Variants in CTDSPL2 observed in about 807,000 individuals in gnomAD.
CTDSPL2 encodes the protein CTD small phosphatase like 2, also known as CTD small phosphatase-like protein 2.
In CTDSPL2, 5 loss-of-function variants were observed where a neutral mutation model predicts 60.0. The observed-to-expected ratio is 0.08, with a 90% confidence interval of 0.04 to 0.18. The LOEUF (loss-of-function observed/expected upper bound fraction) is 0.18, where lower values mean the gene tolerates loss of function less well. CTDSPL2 is among the 10% of genes least tolerant of loss of function. CTDSPL2 has a pLI of 1.00. For synonymous variants in CTDSPL2, 186 were observed against 189.3 expected (o/e 0.98, Z 0.14); for missense variants, 370 against 548.8 (o/e 0.67, Z 3.26).
chr15:44,464,340 GTTAC>G lies in CTDSPL2; in HGVS notation c.186+5144_186+5147del, dbSNP rs375979177. Among the ~76,000 whole-genome samples, 66 of 152,274 alleles carry G rather than the reference GTTAC, an allele frequency of 4.3e-4. 1 individual carries two copies. The highest frequency in any genetic ancestry group is 1.5e-3 in the African/African-American group (63 of 41,552). ...GAGGTTAAATAATAACTTGCGCAAA[GTTAC>G]TTAGTTTTAAGTGGCAAAGCTGGAG... On this transcript the variant is annotated intron_variant, in intron 2 of 12. Transcript: ENST00000260327.
At chr15:44,513,255 C>T (rs1448603719) in intron 8 of CTDSPL2, among the ~76,000 whole-genome samples, 1 of 152,076 alleles carries the variant, frequency 6.6e-6, no homozygotes, top group Non-Finnish European at 1.5e-5. Flanking sequence ...CACCTGAGGT[C>T]AGGAGTTTGA....
intron 12 of CTDSPL2, among the ~76,000 whole-genome samples, chr15:44,521,894 C>T (rs1458777024): frequency 2.2e-5 from 3 of 133,836 alleles, no homozygotes; most frequent in Non-Finnish European, 4.7e-5. Flanking sequence ...GCCGAGATCG[C>T]GCCACTGCAC....
At chr15:44,429,242 T>G (rs2079807715) in intron 1 of CTDSPL2, among the ~76,000 whole-genome samples, 1 of 152,236 alleles carries the variant, frequency 6.6e-6, no homozygotes, top group East Asian at 1.9e-4. Context: ...GTGAAGGAGT[T>G]TTTTAGGATT....
chr15:44,484,239 C>A lies in CTDSPL2; in HGVS notation c.202C>A (p.Pro68Thr). The A allele has an allele frequency of 6.2e-7, 1 of 1,602,890 alleles. No individual in the cohort carries two copies. Among genetic ancestry groups the A allele is most frequent in the South Asian group, 1.1e-5 (1 of 89,426 alleles). The change falls in exon 3 of 13, where the codon CCT (proline) becomes ACT (threonine). Residue 68 changes from proline to threonine, a missense_variant. Pro to Thr is a conservative substitution (Grantham distance 38, BLOSUM62 -1). Coordinates refer to ENST00000260327, the MANE Select transcript of CTDSPL2 (RefSeq NM_016396.3). ...GSTPKEEREN[P>T]SKRSRIERDI... Reference sequence around the variant, plus strand: ...ATATCTTAAGGAAGAGAGAGAAAATCCTTCAAAACGGAGTAGAATTGAACG... The same window carrying A: ...ATATCTTAAGGAAGAGAGAGAAAATACTTCAAAACGGAGTAGAATTGAACG...
In CTDSPL2 at chr15:44,431,770, G is replaced by C. The variant is rs1291111405; in HGVS notation, c.-25+3998G>C. 7.4e-5 allele frequency among the ~76,000 whole-genome samples: 11 copies of C among 149,030 alleles called. No homozygotes were observed. In the East Asian group the frequency reaches 2.2e-3, roughly 29 times the overall value. On this transcript the variant is annotated intron_variant, in intron 1 of 12. Transcript: ENST00000260327. ...TTTCGCTCTTGTTCCCCAGCCTGGA[G>C]TGCAGTGGTGCGATCTCAGCTTACT...
chr15:44,453,338 T>G (rs1287366806), intron 1 of CTDSPL2, among the ~76,000 whole-genome samples: 1 of 152,168 alleles, frequency 6.6e-6, no homozygotes, highest in East Asian at 1.9e-4. Flanking sequence ...TATTGATTAT[T>G]TTTAATATGA....
At chr15:44,497,538 TG>T (rs1172089383) in intron 7 of CTDSPL2, among the ~76,000 whole-genome samples, 13 of 151,982 alleles carry the variant, frequency 8.6e-5, no homozygotes, top group African/African-American at 3.1e-4. Context: ...GCTAATTTTT[TG>T]TTGTGTATTT....
intron 8 of CTDSPL2, among the ~76,000 whole-genome samples, chr15:44,501,743 G>C (rs183646364): frequency 6.6e-6 from 1 of 152,116 alleles, no homozygotes; most frequent in Non-Finnish European, 1.5e-5. Context: ...ACTTTAATAC[G>C]ATTTAGTTAC....
At chr15:44,471,526 G>A (rs140332345) in intron 2 of CTDSPL2, among the ~76,000 whole-genome samples, 3 of 152,072 alleles carry the variant, frequency 2.0e-5, no homozygotes, top group Non-Finnish European at 2.9e-5. Flanking sequence ...GGCCATCAAC[G>A]TATCTGTCAC....
intron 1 of CTDSPL2, among the ~76,000 whole-genome samples, chr15:44,458,213 T>C (rs962126530): frequency 2.6e-5 from 4 of 152,224 alleles, no homozygotes; most frequent in Non-Finnish European, 5.9e-5. Flanking sequence ...TTAGCCATGA[T>C]TGGAGTAGGA....
intron 3 of CTDSPL2, among the ~76,000 whole-genome samples, chr15:44,484,963 G>A (rs1252225841): frequency 1.3e-5 from 2 of 152,126 alleles, no homozygotes; most frequent in Non-Finnish European, 2.9e-5. Flanking sequence ...TAATAATTGT[G>A]ACTTAATTTA....
chr15:44,482,182 T>C (rs977402666), intron 2 of CTDSPL2, among the ~76,000 whole-genome samples: 2 of 152,210 alleles, frequency 1.3e-5, no homozygotes, highest in Non-Finnish European at 2.9e-5. Flanking sequence ...GGTCTCACTT[T>C]GTTGCCCAGG....
intron 2 of CTDSPL2, among the ~76,000 whole-genome samples, chr15:44,476,384 T>C (rs2080916269): frequency 6.6e-6 from 1 of 152,118 alleles, no homozygotes; most frequent in Admixed American, 6.6e-5. Flanking sequence ...TATTTTAAAA[T>C]ATTACTAAAT....
At chr15:44,464,887 A>G (rs1372183084) in intron 2 of CTDSPL2, among the ~76,000 whole-genome samples, 2 of 151,730 alleles carry the variant, frequency 1.3e-5, no homozygotes, top group Non-Finnish European at 2.9e-5. Flanking sequence ...TGTATTTTTA[A>G]TAGAGATGGG....
intron 8 of CTDSPL2, among the ~76,000 whole-genome samples, chr15:44,511,639 C>CG (rs936394093): frequency 4.6e-5 from 7 of 152,056 alleles, no homozygotes; most frequent in Middle Eastern, 3.4e-3. Context: ...GAGGCCGAGG[C>CG]GGGGAGATCA....
chr15:44,505,095 C>A (rs2081438545), intron 8 of CTDSPL2, among the ~76,000 whole-genome samples: 2 of 152,014 alleles, frequency 1.3e-5, no homozygotes, highest in Non-Finnish European at 2.9e-5. Context: ...TATGGGGATT[C>A]TTTGTCTAAA....
chr15:44,496,325 T>A, intron 5 of CTDSPL2, 55 bp from the exon 6 acceptor site: 1 of 1,144,670 alleles, frequency 8.7e-7, no homozygotes, highest in Non-Finnish European at 1.3e-6. Flanking sequence ...TAAAAATATA[T>A]ATTTCATGAA....
chr15:44,476,712 T>C (rs546860035), intron 2 of CTDSPL2, among the ~76,000 whole-genome samples: 1 of 152,204 alleles, frequency 6.6e-6, no homozygotes, highest in African/African-American at 2.4e-5. Flanking sequence ...AGGTGTGTGG[T>C]AGATAATATC....
intron 1 of CTDSPL2, among the ~76,000 whole-genome samples, chr15:44,446,199 C>T (rs906889048): frequency 3.3e-5 from 5 of 151,988 alleles, no homozygotes; most frequent in Admixed American, 2.0e-4. Flanking sequence ...GCTGGGATTA[C>T]AGGTATGAAC....
Sources: allele counts gnomAD v4.1 joint callset (sites outside exome capture counted in the v4.1 genomes callset), GRCh38; gene constraint gnomAD v4.1.1; transcripts MANE v1.5; gene names NCBI Gene and HGNC (gene_info 2026-07-23, HGNC 2026-07-21).